Variants in TBC1D22A observed in about 807,000 individuals in gnomAD.
TBC1D22A encodes the protein putative GTPase activator.
A neutral mutation model predicts 60.2 loss-of-function variants in TBC1D22A; 38 were observed. The observed-to-expected ratio is 0.63, with a 90% CI of 0.49 to 0.83. The LOEUF (loss-of-function observed/expected upper bound fraction) is 0.83. Among genes scored for constraint, TBC1D22A ranks in the 40% least tolerant of loss-of-function variants. The pLI, the probability that TBC1D22A is intolerant of heterozygous loss-of-function variation, is 0.00. For missense variants in TBC1D22A, 628 were observed against 701.0 expected, an observed-to-expected ratio of 0.90 and a Z score of 1.18; for synonymous variants, 302 against 281.7, an observed-to-expected ratio of 1.07 and a Z score of -0.72.
chr22:47,019,221 G>A (rs1489108305), intron 10 of TBC1D22A, among the ~76,000 whole-genome samples: 2 of 152,212 alleles, frequency 1.3e-5, no homozygotes, highest in African/African-American at 2.4e-5. Context: ...ACTGTCCAGC[G>A]GTCCCAGCAC....
chr22:47,066,141 TA>T (rs2063766671), intron 11 of TBC1D22A, among the ~76,000 whole-genome samples: 1 of 152,224 alleles, frequency 6.6e-6, no homozygotes, highest in Non-Finnish European at 1.5e-5. Flanking sequence ...TTTTGGGAAC[TA>T]AGCTGCTGGG....
chr22:47,097,491 G>A (rs1328675184), intron 11 of TBC1D22A, among the ~76,000 whole-genome samples: 10 of 152,074 alleles, frequency 6.6e-5, no homozygotes, highest in African/African-American at 1.7e-4. Flanking sequence ...GTGGGCACCT[G>A]TTATCCCAGC....
intron 12 of TBC1D22A, among the ~76,000 whole-genome samples, chr22:47,163,274 G>A (rs1282938325): frequency 1.3e-5 from 2 of 152,236 alleles, no homozygotes; most frequent in African/African-American, 4.8e-5. Context: ...CAGGGCAGAG[G>A]CCATGGGTCC....
intron 1 of TBC1D22A, among the ~76,000 whole-genome samples, chr22:46,788,650 C>G (rs1371913795): frequency 1.3e-5 from 2 of 152,186 alleles, no homozygotes; most frequent in African/African-American, 4.8e-5. Context: ...GTAGGTCCTT[C>G]CTGGTTGAGA....
chr22:47,052,804 T>C (rs547681649), intron 11 of TBC1D22A, among the ~76,000 whole-genome samples: 1 of 152,340 alleles, frequency 6.6e-6, no homozygotes, highest in Non-Finnish European at 1.5e-5. Flanking sequence ...TCCAGGCCAC[T>C]GCTCCCCAAT....
At chr22:47,089,588 C>T (rs2064838079) in intron 11 of TBC1D22A, among the ~76,000 whole-genome samples, 1 of 152,152 alleles carries the variant, frequency 6.6e-6, no homozygotes, top group African/African-American at 2.4e-5. Context: ...GGAGTGAGGC[C>T]GGCAGGGTGG....
intron 12 of TBC1D22A, among the ~76,000 whole-genome samples, chr22:47,163,486 G>A (rs984173112): frequency 6.6e-6 from 1 of 152,264 alleles, no homozygotes; most frequent in Non-Finnish European, 1.5e-5. Flanking sequence ...GGTAGGGTCG[G>A]TGTGTGCGAT....
At chr22:46,995,532 T>TGTGTGTGA (rs879592852) in intron 9 of TBC1D22A, among the ~76,000 whole-genome samples, 2 of 150,756 alleles carry the variant, frequency 1.3e-5, no homozygotes, top group African/African-American at 2.5e-5. Flanking sequence ...TGTGTGTGTG[T>TGTGTGTGA]GAGAGAGAAA....
intron 11 of TBC1D22A, among the ~76,000 whole-genome samples, chr22:47,040,774 A>C (rs937035920): frequency 2.6e-5 from 4 of 152,212 alleles, no homozygotes; most frequent in African/African-American, 9.6e-5. Flanking sequence ...CTGACAGGAC[A>C]TTCAAAGCCA....
intron 11 of TBC1D22A, among the ~76,000 whole-genome samples, chr22:47,106,044 A>T (rs943847528): frequency 6.6e-6 from 1 of 152,246 alleles, no homozygotes; most frequent in South Asian, 2.1e-4. Context: ...CCAAGGTTCA[A>T]ATGTAATAGA....
chr22:47,043,899 G>T (rs1308279023), intron 11 of TBC1D22A, among the ~76,000 whole-genome samples: 1 of 51,374 alleles, frequency 1.9e-5, no homozygotes, highest in South Asian at 5.7e-4. Flanking sequence ...CCATGTGGGA[G>T]GCTCTGTGTG....
At chr22:46,866,491 C>T (rs756206968) in intron 4 of TBC1D22A, among the ~76,000 whole-genome samples, 2 of 152,202 alleles carry the variant, frequency 1.3e-5, no homozygotes, top group Non-Finnish European at 2.9e-5. Flanking sequence ...ACCTGTCAAG[C>T]GGCAAGCAAA....
chr22:47,142,164 C>A (rs948298874), intron 12 of TBC1D22A, among the ~76,000 whole-genome samples: 1 of 152,116 alleles, frequency 6.6e-6, no homozygotes, highest in African/African-American at 2.4e-5. Context: ...AAGCCTACCC[C>A]AGAAGCTGTT....
intron 1 of TBC1D22A, among the ~76,000 whole-genome samples, chr22:46,773,373 C>A (rs8142916): frequency 6.6e-6 from 1 of 152,020 alleles, no homozygotes; most frequent in Non-Finnish European, 1.5e-5. Flanking sequence ...AGCAGGTGTT[C>A]CCTGCAGCGC....
At chr22:47,043,732 A>G (rs1408137039) in intron 11 of TBC1D22A, among the ~76,000 whole-genome samples, 1 of 152,168 alleles carries the variant, frequency 6.6e-6, no homozygotes, top group Non-Finnish European at 1.5e-5. Context: ...GCAGGTGTCC[A>G]GGAAATGAGT....
chr22:46,877,211 A>G (rs2067610012), intron 4 of TBC1D22A, among the ~76,000 whole-genome samples: 1 of 152,208 alleles, frequency 6.6e-6, no homozygotes, highest in Non-Finnish European at 1.5e-5. Flanking sequence ...TCACAGCCCT[A>G]AGTAACACAA....
In TBC1D22A at chr22:46,974,362, C is replaced by A. The variant is rs775181541; in HGVS notation, c.1088C>A (p.Thr363Asn). Residue 363 changes from threonine (T) to asparagine (N), a missense_variant, in exon 9 of 13, where the codon ACC (threonine) becomes AAC (asparagine). Transcript: ENST00000337137. ...AEVLCNIEAD[T>N]YWCMSKLLDG... ...GTGCTGTGCAACATCGAGGCCGACA[C>A]CTACTGGTGCATGAGCAAGCTGCTG... The A allele has an allele frequency of 6.2e-7, 1 of 1,611,336 alleles. No homozygotes were observed. Among genetic ancestry groups the A allele is most frequent in the Non-Finnish European group, 8.5e-7 (1 of 1,179,084 alleles).
At chr22:46,836,690 G>A (rs1047044239) in intron 4 of TBC1D22A, among the ~76,000 whole-genome samples, 1 of 151,950 alleles carries the variant, frequency 6.6e-6, no homozygotes, top group Admixed American at 6.6e-5. Context: ...AAGAGTGACT[G>A]AATAGATTAA....
intron 12 of TBC1D22A, among the ~76,000 whole-genome samples, chr22:47,141,742 A>C (rs2067093627): frequency 6.6e-6 from 1 of 152,182 alleles, no homozygotes; most frequent in South Asian, 2.1e-4. Flanking sequence ...GTTTTCCCAG[A>C]AAGGTGGGAA....
Sources: allele counts gnomAD v4.1 joint callset (sites outside exome capture counted in the v4.1 genomes callset), GRCh38; gene constraint gnomAD v4.1.1; transcripts MANE v1.5; gene names NCBI Gene and HGNC (gene_info 2026-07-23, HGNC 2026-07-21).